Variants in CAPN5 observed in about 807,000 individuals in gnomAD.
CAPN5 encodes the protein calpain 5.
Under a neutral mutation model 73.0 loss-of-function variants are expected in CAPN5, and 54 were observed. That is an observed-to-expected ratio of 0.74 (90% CI 0.59 to 0.93). The LOEUF is 0.93. Among genes scored for constraint, CAPN5 ranks in the 40% least tolerant of loss-of-function variants. The pLI, the probability that CAPN5 is intolerant of heterozygous loss-of-function variation, is 0.00. For missense variants in CAPN5, 785 were observed against 882.9 expected, an observed-to-expected ratio of 0.89 and a Z score of 1.41; for synonymous variants, 335 against 356.9, an observed-to-expected ratio of 0.94 and a Z score of 0.69.
chr11:77,080,270 C>T (rs147433773), intron 1 of CAPN5, among the ~76,000 whole-genome samples: 1 of 152,312 alleles, frequency 6.6e-6, no homozygotes, highest in Non-Finnish European at 1.5e-5. Flanking sequence ...AGTCCTCCAG[C>T]TTGTTCTCTT....
At chr11:77,122,529 C>CAGCCCCCCCCCCCCCCCCCCCCCCCA in intron 11 of CAPN5, 47 bp from the exon 12 acceptor site, 1 of 1,290,278 alleles carries the variant, frequency 7.8e-7, no homozygotes, top group Non-Finnish European at 1.1e-6. Context: ...GGCCCTGCCA[C>CAGCCCCCCCCCCCCCCCCCCCCCCCA]AGCCCCCACC....
In CAPN5 at chr11:77,125,151, T is replaced by G. The variant is rs371037947; in HGVS notation, c.*1281T>G. ...ATCTCTGCTGTGCCCTTCTCGGGCT[T>G]CCAGACCAGGTGTAGCAAATGAAAA... On this transcript the variant is annotated 3_prime_UTR_variant, in exon 13 of 13. Coordinates refer to ENST00000648180, the MANE Select transcript of CAPN5 (RefSeq NM_004055.5). 3 of 152,472 alleles carry G rather than the reference T, an allele frequency of 2.0e-5. No homozygotes were observed. Among genetic ancestry groups the G allele is most frequent in the East Asian group, 1.9e-4 (1 of 5,194 alleles). 9.4% of individuals were successfully genotyped at this position (152,472 alleles called of 1,614,324 possible). A position where few individuals can be genotyped will look rare whatever the true frequency, so the allele number is the denominator to read the frequency against.
chr11:77,103,146 A>G (rs1555039241), intron 3 of CAPN5: 1 of 1,613,762 alleles, frequency 6.2e-7, no homozygotes, highest in Non-Finnish European at 8.5e-7. Flanking sequence ...GCTGGACCCC[A>G]CTGCCATCTT....
chr11:77,077,237 G>T (rs1249524186), intron 1 of CAPN5, among the ~76,000 whole-genome samples: 1 of 152,008 alleles, frequency 6.6e-6, no homozygotes, highest in Non-Finnish European at 1.5e-5. Context: ...CATGCCTGTA[G>T]TCCCAGCTAC....
Position 77,116,228 on chromosome 11 carries a change from C to T in CAPN5, c.896C>T (p.Ser299Leu), listed in dbSNP as rs782801712. The T allele has an allele frequency of 8.1e-6, 13 of 1,611,404 alleles. No homozygotes were observed. Among genetic ancestry groups the T allele is most frequent in the South Asian group, 3.3e-5 (3 of 90,212 alleles). The change falls in exon 7 of 13, where the codon TCG (serine) becomes TTG (leucine). Residue 299 changes from serine to leucine, a missense_variant and splice_region_variant. Transcript: ENST00000648180. ...REWNGPWSDT[S>L]EEWQKVSKSE... is the part of the protein sequence containing the mutation. Reference sequence around the variant, plus strand: ...CCTCCCCGGCCCTGACACCCCAGCTCGGAGGAGTGGCAGAAAGTGAGCAAG... The same window carrying T: ...CCTCCCCGGCCCTGACACCCCAGCTTGGAGGAGTGGCAGAAAGTGAGCAAG...
At position 77,122,577 on chromosome 11, in the gene CAPN5, G is replaced by T; in HGVS notation, c.1605G>T (p.Gly535=). The T allele has an allele frequency of 6.2e-7, 1 of 1,606,974 alleles. No homozygotes were observed. The highest frequency in any genetic ancestry group is 8.5e-7 in the Non-Finnish European group (1 of 1,176,244). ...CCATCTCCCACTCCCTCTCCCTAGG[G>T]GCTAACTCTTATGTGATCATCAAGT... ...GAAGLKDSPT[G]ANSYVIIKCE... The change falls in exon 12 of 13, where the codon GGG becomes GGT. Residue 535 remains glycine, a splice_region_variant and synonymous_variant. Coordinates refer to ENST00000648180, the MANE Select transcript of CAPN5 (RefSeq NM_004055.5).
chr11:77,082,956 C>T (rs191540019), intron 1 of CAPN5, among the ~76,000 whole-genome samples: 19 of 152,332 alleles, frequency 1.2e-4, no homozygotes, highest in Admixed American at 1.1e-3. Flanking sequence ...TGAACTGACC[C>T]TGCCGGAAAC....
At chr11:77,100,274 A>G (rs1287972747) in intron 3 of CAPN5, among the ~76,000 whole-genome samples, 2 of 152,042 alleles carry the variant, frequency 1.3e-5, no homozygotes, top group Admixed American at 1.3e-4. Flanking sequence ...AGGTCTGTGG[A>G]CATCAGTGGG....
chr11:77,104,872 C>T (rs564288794), intron 3 of CAPN5, among the ~76,000 whole-genome samples: 5 of 152,190 alleles, frequency 3.3e-5, no homozygotes, highest in South Asian at 2.1e-4. Context: ...AGCCCCACCT[C>T]GGAGGTGTGC....
chr11:77,067,252 A>G (rs1949852892), intron 1 of CAPN5, among the ~76,000 whole-genome samples, 158 bp downstream of exon 1: 2 of 122,920 alleles, frequency 1.6e-5, no homozygotes, highest in African/African-American at 3.1e-5. Flanking sequence ...AAAGGAAGTG[A>G]GCGCTGGCTG....
At chr11:77,096,900 C>T (rs1555037539) in intron 3 of CAPN5, among the ~76,000 whole-genome samples, 1 of 152,128 alleles carries the variant, frequency 6.6e-6, no homozygotes, top group African/African-American at 2.4e-5. Flanking sequence ...CTGGGTGGGG[C>T]CTGGGAGGGG....
At chr11:77,115,064 A>C (rs138954021) in intron 5 of CAPN5, among the ~76,000 whole-genome samples, 1 of 151,480 alleles carries the variant, frequency 6.6e-6, no homozygotes, top group Non-Finnish European at 1.5e-5. Flanking sequence ...ACTCCATCCA[A>C]AAAAAAAACA....
intron 10 of CAPN5, 67 bp downstream of exon 10, chr11:77,120,976 C>CT: frequency 1.4e-6 from 2 of 1,468,786 alleles, no homozygotes; most frequent in South Asian, 2.5e-5. Flanking sequence ...AACCAGGAAC[C>CT]TGCAGCCTCA....
At chr11:77,094,212 C>T (rs782067810) in intron 3 of CAPN5, among the ~76,000 whole-genome samples, 19 of 152,248 alleles carry the variant, frequency 1.2e-4, no homozygotes, top group Non-Finnish European at 2.4e-4. Flanking sequence ...TTGCTGTCCT[C>T]CTCTGGGCCT....
In CAPN5 at chr11:77,118,180, G is replaced by A. The variant is rs544320019; in HGVS notation, c.995G>A (p.Arg332Gln). 65 of 1,613,608 alleles carry A rather than the reference G, an allele frequency of 4.0e-5. No individual in the cohort carries two copies. In the African/African-American group the frequency reaches 4.1e-4, roughly 10 times the overall value. The stretch of plus-strand genomic sequence containing the variant: ...AGGATGACCTTCGAGGACGTGTGCC[G>A]GTACTTCACGGACATCATCAAGTGC... ...EFWMTFEDVC[R>Q]YFTDIIKCRV... The change falls in exon 8 of 13, where the codon CGG (arginine) becomes CAG (glutamine). Residue 332 changes from arginine to glutamine, a missense_variant. By Grantham distance (43) the Arg-to-Gln change is conservative. Transcript: ENST00000648180.
chr11:77,082,014 T>C (rs1950032946), intron 1 of CAPN5, among the ~76,000 whole-genome samples: 1 of 152,014 alleles, frequency 6.6e-6, no homozygotes, highest in Admixed American at 6.5e-5. Flanking sequence ...GACCCTGGGA[T>C]AGAGAGAGGA....
intron 1 of CAPN5, chr11:77,071,813 G>A (rs1316613575): frequency 2.9e-6 from 1 of 341,470 alleles, no homozygotes; most frequent in African/African-American, 2.1e-5. Flanking sequence ...GAGCAGTGCA[G>A]TGGGCCTGGA....
chr11:77,093,607 C>CCGCA, intron 2 of CAPN5, 75 bp from the exon 3 acceptor site: 1 of 1,438,100 alleles, frequency 7.0e-7, no homozygotes, highest in East Asian at 2.6e-5. Flanking sequence ...ACGTCTGTGT[C>CCGCA]TGTCATGTCT....
intron 3 of CAPN5, among the ~76,000 whole-genome samples, chr11:77,099,877 C>T (rs1950266317): frequency 6.6e-6 from 1 of 152,062 alleles, no homozygotes; most frequent in African/African-American, 2.4e-5. Flanking sequence ...GCTCTTGTCA[C>T]CCAGGCTAGA....
Sources: gnomAD v4.1 joint callset for allele counts (sites outside exome capture counted in the v4.1 genomes callset) on GRCh38, gnomAD v4.1.1 for gene constraint, MANE v1.5 for transcripts, NCBI Gene and HGNC (gene_info 2026-07-23, HGNC 2026-07-21) for gene names.